The following ABCC1 variants were observed in gnomAD, a reference collection of about 807,000 sequenced individuals.
The protein encoded by ABCC1 is ATP binding cassette subfamily C member 1 (ABCC1 blood group), also known as multidrug resistance-associated protein 1.
ABCC1 carries 83 observed loss-of-function variants against 172.9 expected under a neutral mutation model. The observed-to-expected ratio is 0.48, with a 90% confidence interval of 0.40 to 0.58. ABCC1 has a LOEUF of 0.58. Ranked by LOEUF, ABCC1 falls within the 20% of genes least tolerant of loss-of-function variation. The pLI is 0.00. For synonymous variants in ABCC1, 937 were observed against 825.2 expected (o/e 1.14, Z -2.32); for missense variants, 1,817 against 2,002.7 (o/e 0.91, Z 1.77).
At chr16:15,950,559 A>C (rs1438573266) in intron 1 of ABCC1, among the ~76,000 whole-genome samples, 1 of 152,030 alleles carries the variant, frequency 6.6e-6, no homozygotes, top group Admixed American at 6.6e-5. Flanking sequence ...TAACCCCGGC[A>C]AGTTTTCTTC....
intron 26 of ABCC1, among the ~76,000 whole-genome samples, chr16:16,128,857 T>C (rs59457787): frequency 6.6e-6 from 1 of 152,130 alleles, no homozygotes; most frequent in African/African-American, 2.4e-5. Flanking sequence ...TTAGTTGGCA[T>C]GGTGGCAGGT....
intron 24 of ABCC1, among the ~76,000 whole-genome samples, chr16:16,124,326 T>C: frequency 1.2e-5 from 1 of 86,376 alleles, no homozygotes; most frequent in African/African-American, 3.9e-5. Flanking sequence ...TGTGTGTGTG[T>C]GTGTGTGTGT....
chr16:16,098,783 C>A, intron 19 of ABCC1: 2 of 1,187,738 alleles, frequency 1.7e-6, no homozygotes, highest in Non-Finnish European at 2.3e-6. Flanking sequence ...TTAGAAAAGA[C>A]ACTCCCTTCA....
At chr16:15,987,341 C>G (rs573367561) in intron 1 of ABCC1, among the ~76,000 whole-genome samples, 9 of 152,212 alleles carry the variant, frequency 5.9e-5, no homozygotes, top group African/African-American at 1.9e-4. Context: ...TAGTTGCTGG[C>G]CTAGTATTAC....
intron 20 of ABCC1, among the ~76,000 whole-genome samples, chr16:16,106,100 C>T (rs980054300): frequency 6.6e-6 from 1 of 151,912 alleles, no homozygotes; most frequent in Non-Finnish European, 1.5e-5. Context: ...TAGTCTTGAA[C>T]TCCTGGCCTC....
At chr16:15,955,840 G>A (rs1030877362) in intron 1 of ABCC1, among the ~76,000 whole-genome samples, 1 of 152,320 alleles carries the variant, frequency 6.6e-6, no homozygotes, top group Admixed American at 6.5e-5. Flanking sequence ...AGGGATTTTG[G>A]CCTGTGTTTG....
At chr16:16,020,167 C>T (rs1244178191) in intron 5 of ABCC1, among the ~76,000 whole-genome samples, 1 of 152,156 alleles carries the variant, frequency 6.6e-6, no homozygotes, top group Non-Finnish European at 1.5e-5. Flanking sequence ...AGTGATCCGC[C>T]CACTTTGGCC....
intron 1 of ABCC1, among the ~76,000 whole-genome samples, chr16:15,955,213 G>A (rs1486388923): frequency 6.6e-6 from 1 of 152,118 alleles, no homozygotes. Context: ...AAAATTAGCC[G>A]AGCCTGGTGG....
At position 16,045,961 on chromosome 16, in the gene ABCC1, TC is replaced by T; in HGVS notation, c.1167del (p.Phe389LeufsTer5). On this transcript the variant is annotated frameshift_variant, in exon 9 of 31. Coordinates refer to ENST00000399410, the MANE Select transcript of ABCC1 (RefSeq NM_004996.4). LOFTEE classifies it high-confidence loss of function. ...LVLHQYFHIC[F>X]VSGMRIKTAV... Reference sequence around the variant, plus strand: ...CTGCACCAGTACTTCCACATCTGCTTCGTCAGTGGCATGAGGATCAAGACCG... The same window carrying T: ...CTGCACCAGTACTTCCACATCTGCTTGTCAGTGGCATGAGGATCAAGACCG... 3 of 1,614,210 alleles carry T rather than the reference TC, an allele frequency of 1.9e-6. No homozygotes were observed. Among genetic ancestry groups the T allele is most frequent in the Non-Finnish European group, 2.5e-6 (3 of 1,180,036 alleles).
intron 7 of ABCC1, among the ~76,000 whole-genome samples, chr16:16,039,915 G>C (rs1012237103): frequency 3.9e-5 from 6 of 152,106 alleles, no homozygotes; most frequent in Non-Finnish European, 2.9e-5. Flanking sequence ...AAGTGAGTGA[G>C]GGGGAGAAAG....
intron 5 of ABCC1, among the ~76,000 whole-genome samples, chr16:16,026,432 C>CAAAAA (rs386384354): frequency 3.4e-5 from 2 of 59,220 alleles, no homozygotes; most frequent in African/African-American, 8.5e-5. Flanking sequence ...GAAACCGTCT[C>CAAAAA]AAAAAAAAAA....
At chr16:16,064,241 T>G (rs549687433) in intron 12 of ABCC1, among the ~76,000 whole-genome samples, 4 of 152,298 alleles carry the variant, frequency 2.6e-5, no homozygotes, top group African/African-American at 7.2e-5. Context: ...TTTTGCACCC[T>G]AGACCCTCGC....
In ABCC1 at chr16:16,122,007, G is replaced by A. The variant is rs986118355; in HGVS notation, c.3423G>A (p.Lys1141=). The A allele has an allele frequency of 1.1e-5, 18 of 1,614,234 alleles. No individual in the cohort carries two copies. Among genetic ancestry groups the A allele is most frequent in the Non-Finnish European group, 1.3e-5 (15 of 1,180,046 alleles). Residue 1141 remains lysine, a synonymous_variant, in exon 24 of 31, where the codon AAG becomes AAA. Transcript: ENST00000399410. ...RFYVASSRQL[K]RLESVSRSPV... The stretch of plus-strand genomic sequence containing the variant: ...ACGTGGCTTCCTCCCGGCAGCTGAA[G>A]CGCCTCGAGTCGGTCAGCCGCTCCC...
Position 16,033,057 on chromosome 16 carries a change from T to A in ABCC1, c.616-52T>A. 6.4e-6 allele frequency: 10 copies of A among 1,573,182 alleles called. No homozygotes were observed. The South Asian group carries it at 1.1e-4, about 17-fold the overall frequency. ...GCTAAGCTCTGACCTGGATGAAAAG[T>A]CAAATCATTCCTTTCCCTCTTCCTC... On this transcript the variant is annotated intron_variant, in intron 5 of 30. Transcript: ENST00000399410.
intron 10 of ABCC1, among the ~76,000 whole-genome samples, chr16:16,051,201 G>T (rs1294009362): frequency 1.3e-5 from 2 of 151,318 alleles, no homozygotes; most frequent in Non-Finnish European, 2.9e-5. Flanking sequence ...ACAGAGTCTT[G>T]CTCTGTTGCC....
chr16:16,106,507 T>C, intron 20 of ABCC1: 1 of 443,314 alleles, frequency 2.3e-6, no homozygotes, highest in Non-Finnish European at 4.0e-6. Flanking sequence ...GCGTTTCCCA[T>C]GGGTCTCATT....
intron 24 of ABCC1, among the ~76,000 whole-genome samples, chr16:16,124,545 GCT>G (rs2045351037): frequency 6.6e-6 from 1 of 152,190 alleles, no homozygotes; most frequent in Admixed American, 6.5e-5. Flanking sequence ...CCTCTGGAGA[GCT>G]CTGTTTTAAT....
intron 10 of ABCC1, among the ~76,000 whole-genome samples, chr16:16,049,965 A>T (rs934920132): frequency 5.9e-5 from 9 of 152,198 alleles, no homozygotes; most frequent in African/African-American, 2.2e-4. Context: ...AAGTGTTGGA[A>T]TTACAGGCGT....
intron 18 of ABCC1, among the ~76,000 whole-genome samples, chr16:16,087,827 A>G (rs2152009264): frequency 6.6e-6 from 1 of 152,366 alleles, no homozygotes; most frequent in African/African-American, 2.4e-5. Flanking sequence ...CATGAAAAAG[A>G]AAAATGGAAG....
Sources: gnomAD v4.1 joint callset for allele counts (sites outside exome capture counted in the v4.1 genomes callset) on GRCh38, gnomAD v4.1.1 for gene constraint, MANE v1.5 for transcripts, NCBI Gene and HGNC (gene_info 2026-07-23, HGNC 2026-07-21) for gene names.